The following ANKDD1A variants were observed in gnomAD, a reference collection of about 807,000 sequenced individuals.
ANKDD1A encodes ankyrin repeat and death domain-containing protein 1A.
In ANKDD1A, 59 loss-of-function variants were observed where a neutral mutation model predicts 63.5. The ratio of observed to expected loss-of-function variants is 0.93; its 90% CI spans 0.75 to 1.15. The LOEUF (loss-of-function observed/expected upper bound fraction) is 1.15. Among genes scored for constraint, ANKDD1A ranks in the 50% most tolerant of loss-of-function variants. The pLI is 0.00. For missense variants in ANKDD1A, 632 were observed against 656.4 expected (o/e 0.96, Z 0.41); for synonymous variants, 266 against 263.9 (o/e 1.01, Z -0.08).
chr15:64,923,163 C>A (rs762418955), intron 4 of ANKDD1A, among the ~76,000 whole-genome samples: 7 of 152,096 alleles, frequency 4.6e-5, no homozygotes, highest in Non-Finnish European at 1.5e-5. Context: ...ACCTAACACA[C>A]CAATAGGAAT....
At chr15:64,949,567 T>C (rs1253413822) in intron 13 of ANKDD1A, among the ~76,000 whole-genome samples, 3 of 152,112 alleles carry the variant, frequency 2.0e-5, no homozygotes, top group South Asian at 2.1e-4. Flanking sequence ...ACAGAGTGCA[T>C]AGTGGGTGTT....
In ANKDD1A at chr15:64,922,015, G is replaced by A; in HGVS notation, c.362G>A (p.Ser121Asn). 4 of 1,614,078 alleles carry A rather than the reference G, an allele frequency of 2.5e-6. No individual in the cohort carries two copies. The highest frequency in any genetic ancestry group is 3.4e-6 in the Non-Finnish European group (4 of 1,179,926). Residue 121 changes from serine to asparagine, a missense_variant, in exon 4 of 15, where the codon AGC becomes AAC. Physicochemically the swap from Ser to Asn is conservative, Grantham distance 46. Transcript: ENST00000319580. ...VNSGAKIHCE[S>N]KDGLTLLHCA... ...TCAGGGGCCAAGATCCACTGTGAGA[G>A]CAAGGTAAGGCCTCAGCTGGTAGAC...
At chr15:64,937,729 AAAAT>A (rs1327499515) in intron 9 of ANKDD1A, among the ~76,000 whole-genome samples, 6 of 152,210 alleles carry the variant, frequency 3.9e-5, no homozygotes, top group Middle Eastern at 3.2e-3. Flanking sequence ...CTGTCTCAAA[AAAAT>A]AAATAAATAA....
At chr15:64,939,967 C>A (rs997817290) in intron 9 of ANKDD1A, among the ~76,000 whole-genome samples, 1 of 151,976 alleles carries the variant, frequency 6.6e-6, no homozygotes, top group Non-Finnish European at 1.5e-5. Flanking sequence ...GAAACATGAT[C>A]CATTGAAGCA....
chr15:64,938,011 G>A (rs2085149019), intron 9 of ANKDD1A, among the ~76,000 whole-genome samples: 1 of 152,154 alleles, frequency 6.6e-6, no homozygotes, highest in Admixed American at 6.5e-5. Flanking sequence ...GGGGCCACCA[G>A]AGAGAGCTCC....
chr15:64,950,875 G>C, intron 14 of ANKDD1A: 1 of 1,174,476 alleles, frequency 8.5e-7, no homozygotes, highest in South Asian at 1.6e-5. Context: ...ACAAACTGTG[G>C]CATGCAATTA....
At chr15:64,951,815 C>G (rs1042714694) in intron 14 of ANKDD1A, among the ~76,000 whole-genome samples, 1 of 125,748 alleles carries the variant, frequency 8.0e-6, no homozygotes, top group Non-Finnish European at 1.6e-5. Context: ...TTTCTTCTTT[C>G]TTCCTCTTCT....
At position 64,931,602 on chromosome 15, in the gene ANKDD1A, A is replaced by G; in HGVS notation, c.768+17A>G. On this transcript the variant is annotated intron_variant, in intron 8 of 14. Transcript: ENST00000319580. ...CTCACCCAGGTAGCCAGGCCCTCCC[A>G]AGACTGCGGTCGGCTCTTGGCTGCT... 3 of 1,613,114 alleles carry G rather than the reference A, an allele frequency of 1.9e-6. No individual in the cohort carries two copies. Among genetic ancestry groups the G allele is most frequent in the Non-Finnish European group, 2.5e-6 (3 of 1,179,790 alleles).
intron 14 of ANKDD1A, among the ~76,000 whole-genome samples, chr15:64,952,756 C>T (rs1479760902): frequency 6.1e-5 from 2 of 32,936 alleles, no homozygotes; most frequent in Non-Finnish European, 7.9e-5. Context: ...TTCCTCTTCT[C>T]CTCCTCCTCC....
At chr15:64,952,847 G>C (rs1210357102) in intron 14 of ANKDD1A, among the ~76,000 whole-genome samples, 6 of 22,220 alleles carry the variant, frequency 2.7e-4, no homozygotes, top group African/African-American at 5.2e-4. Flanking sequence ...TCTTCTCCTT[G>C]TCTCTTCTCC....
chr15:64,915,960 C>A, intron 2 of ANKDD1A, 60 bp downstream of exon 2: 1 of 1,501,682 alleles, frequency 6.7e-7, no homozygotes, highest in Non-Finnish European at 9.2e-7. Flanking sequence ...AATGCCAGTA[C>A]ACAGGGGGAA....
chr15:64,951,228 C>T, intron 14 of ANKDD1A: 1 of 989,878 alleles, frequency 1.0e-6, no homozygotes, highest in Non-Finnish European at 1.2e-6. Flanking sequence ...TAATCCCGTC[C>T]AACAGGTATG....
chr15:64,929,507 C>T (rs1159468797), intron 6 of ANKDD1A, among the ~76,000 whole-genome samples: 1 of 152,170 alleles, frequency 6.6e-6, no homozygotes, highest in Non-Finnish European at 1.5e-5. Context: ...GCAGGCTGAC[C>T]TCAGCAGGGG....
chr15:64,958,512 G>GT lies in ANKDD1A; in HGVS notation c.*1326dup, dbSNP rs1214471291. ...GTCTGTGAAAAAAAACAAAAGTAAA[G>GT]TTATAAAAGGAAAAGAAAACAGAGG... On this transcript the variant is annotated 3_prime_UTR_variant, in exon 15 of 15. Coordinates refer to ENST00000319580, the MANE Select transcript of ANKDD1A (RefSeq NM_182703.6). The GT allele has an allele frequency of 1.1e-4, 17 of 152,020 alleles. No individual in the cohort carries two copies. The highest frequency in any genetic ancestry group is 3.9e-4 in the Admixed American group (6 of 15,256). 9.4% of individuals were successfully genotyped at this position (152,020 alleles called of 1,614,324 possible). A position where few individuals can be genotyped will look rare whatever the true frequency, so the allele number is the denominator to read the frequency against.
At chr15:64,951,873 TTTC>T (rs747346124) in intron 14 of ANKDD1A, among the ~76,000 whole-genome samples, 111 of 114,678 alleles carry the variant, frequency 9.7e-4, no homozygotes, top group African/African-American at 2.2e-3. Context: ...CTTCTTTTTC[TTTC>T]TTCTTTCCTT....
At chr15:64,938,799 G>GC (rs1342964997) in intron 9 of ANKDD1A, among the ~76,000 whole-genome samples, 1 of 151,984 alleles carries the variant, frequency 6.6e-6, no homozygotes, top group East Asian at 1.9e-4. Context: ...TCAAAAATTA[G>GC]CCGGGTGTGG....
At chr15:64,941,068 A>G (rs1047312652) in intron 9 of ANKDD1A, among the ~76,000 whole-genome samples, 9 of 152,086 alleles carry the variant, frequency 5.9e-5, no homozygotes, top group Non-Finnish European at 2.9e-5. Context: ...GTCTTCTTTT[A>G]TATCCCTCAG....
intron 14 of ANKDD1A, chr15:64,951,054 G>A (rs781670191): frequency 1.6e-6 from 2 of 1,235,650 alleles, no homozygotes; most frequent in Non-Finnish European, 1.0e-6. Context: ...GGACCTCAGC[G>A]TGTGGAGCCA....
chr15:64,927,622 T>TG (rs927306616), intron 6 of ANKDD1A, among the ~76,000 whole-genome samples: 5 of 143,612 alleles, frequency 3.5e-5, no homozygotes, highest in African/African-American at 1.5e-4. Flanking sequence ...TTTTTTTTTT[T>TG]GAGACGGAGT....
Sources: gnomAD v4.1 joint callset for allele counts (sites outside exome capture counted in the v4.1 genomes callset) on GRCh38, gnomAD v4.1.1 for gene constraint, MANE v1.5 for transcripts, NCBI Gene and HGNC (gene_info 2026-07-23, HGNC 2026-07-21) for gene names.